MGAT5B: variants seen among roughly 807,000 people sequenced by gnomAD.
MGAT5B encodes the protein N-acetylglucosaminyl-transferase Vb.
Under a neutral mutation model 95.1 loss-of-function variants are expected in MGAT5B, and 54 were observed. The observed-to-expected ratio is 0.57, with a 90% CI of 0.46 to 0.71. The LOEUF (loss-of-function observed/expected upper bound fraction) is 0.71, where lower values mean the gene tolerates loss of function less well. Ranked by LOEUF, MGAT5B falls within the 30% of genes least tolerant of loss-of-function variation. MGAT5B has a pLI of 0.00. For synonymous variants in MGAT5B, 464 were observed against 451.0 expected (o/e 1.03, Z -0.36); for missense variants, 935 against 1,088.6 (o/e 0.86, Z 1.99).
chr17:76,873,296 C>G (rs1387437210), intron 2 of MGAT5B, among the ~76,000 whole-genome samples: 1 of 152,242 alleles, frequency 6.6e-6, no homozygotes, highest in African/African-American at 2.4e-5. Flanking sequence ...CTCCTTGAGG[C>G]ACACATTTCC....
Position 76,948,655 on chromosome 17 carries a change from T to G in MGAT5B, c.2196T>G (p.Cys732Trp). 6.2e-7 allele frequency: 1 copy of G among 1,612,316 alleles called. No homozygotes were observed. Among genetic ancestry groups the G allele is most frequent in the Non-Finnish European group, 8.5e-7 (1 of 1,179,538 alleles). Residue 732 changes from cysteine to tryptophan, a missense_variant, in exon 18 of 18, where the codon TGT becomes TGG. Coordinates refer to ENST00000569840, the MANE Select transcript of MGAT5B (RefSeq NM_001199172.2). ...TCCCTGCCAGGCTGCAGGTGCCCTG[T>G]GACAGCACCGAGTCGGAGATGAACC... ...QDAFLKLQVP[C>W]DSTESEMNHL...
At chr17:76,943,581 A>T (rs547926371) in intron 15 of MGAT5B, among the ~76,000 whole-genome samples, 16 of 148,342 alleles carry the variant, frequency 1.1e-4, no homozygotes, top group East Asian at 4.1e-4. Flanking sequence ...TTATTTTTTT[A>T]AAATTTTCTT....
intron 2 of MGAT5B, among the ~76,000 whole-genome samples, chr17:76,877,506 G>A (rs1967234777): frequency 6.6e-6 from 1 of 152,080 alleles, no homozygotes; most frequent in South Asian, 2.1e-4. Flanking sequence ...CTCTGGCTCT[G>A]GCTCTGGCCC....
intron 12 of MGAT5B, among the ~76,000 whole-genome samples, chr17:76,935,340 A>G (rs1189761207): frequency 2.6e-5 from 4 of 152,366 alleles, no homozygotes; most frequent in Non-Finnish European, 5.9e-5. Context: ...AATTTTTTGT[A>G]GAAACATATG....
chr17:76,888,807 G>A (rs1026314637), intron 3 of MGAT5B, among the ~76,000 whole-genome samples: 1 of 152,194 alleles, frequency 6.6e-6, no homozygotes, highest in African/African-American at 2.4e-5. Flanking sequence ...CCCACTGGAG[G>A]GCCGCGTTGG....
chr17:76,929,571 A>G (rs1319355782), intron 10 of MGAT5B, among the ~76,000 whole-genome samples: 1 of 152,228 alleles, frequency 6.6e-6, no homozygotes, highest in East Asian at 1.9e-4. Flanking sequence ...GGGGCCACTA[A>G]TTGGTTTATC....
chr17:76,880,464 C>T (rs1427095265), intron 2 of MGAT5B, among the ~76,000 whole-genome samples: 1 of 152,178 alleles, frequency 6.6e-6, no homozygotes, highest in African/African-American at 2.4e-5. Context: ...AGAACCAAAG[C>T]AGAGGTGTGA....
In MGAT5B at chr17:76,906,325, C is replaced by T. The variant is rs970225961; in HGVS notation, c.1025+138C>T. ...CGGCCCTGAGACCCTGGGAGACATC[C>T]TGGTGTTCCGCAGGACATCACCACT... is the stretch of plus-strand genomic sequence containing the variant. On this transcript the variant is annotated intron_variant, in intron 8 of 17. Coordinates refer to ENST00000569840, the MANE Select transcript of MGAT5B (RefSeq NM_001199172.2). The surrounding 1 kb of genome is among the most constrained non-coding windows in gnomAD (Gnocchi z 4.6). The T allele has an allele frequency of 7.9e-6, 6 of 762,772 alleles. No individual in the cohort carries two copies. Among genetic ancestry groups the T allele is most frequent in the Non-Finnish European group, 1.2e-5 (6 of 497,508 alleles). 47.3% of individuals were successfully genotyped at this position (762,772 alleles called of 1,614,324 possible).
chr17:76,936,129 C>T (rs567962905), intron 12 of MGAT5B, among the ~76,000 whole-genome samples: 126 of 151,794 alleles, frequency 8.3e-4, no homozygotes, highest in African/African-American at 2.6e-3. Flanking sequence ...GTCTTTCAGC[C>T]GGGAACGGTG....
intron 12 of MGAT5B, among the ~76,000 whole-genome samples, chr17:76,936,245 A>G (rs988981092): frequency 6.6e-6 from 1 of 152,114 alleles, no homozygotes; most frequent in African/African-American, 2.4e-5. Flanking sequence ...CATCTCTACT[A>G]AAAATACAAA....
Position 76,882,270 on chromosome 17 carries a change from G to A in MGAT5B, c.301G>A (p.Gly101Ser), listed in dbSNP as rs1345855130. ...GAACAGCAGTGAGCTGCACCGGGCC[G>A]GCGGCGACCTGCACTTTCCCGCAGA... ...LENSSELHRA[G>S]GDLHFPADRM... The change falls in exon 3 of 18, where the codon GGC becomes AGC. Residue 101 changes from glycine (G) to serine (S), a missense_variant. Around this residue, in one of 4 missense-constraint regions of MGAT5B, gnomAD observed 243 missense variants for 228.2 expected, o/e 1.06. Transcript: ENST00000569840. The A allele has an allele frequency of 5.0e-6, 8 of 1,612,750 alleles. No individual in the cohort carries two copies. Among genetic ancestry groups the A allele is most frequent in the East Asian group, 2.2e-5 (1 of 44,864 alleles).
In MGAT5B at chr17:76,914,679, C is replaced by T. The variant is rs1483834342; in HGVS notation, c.1025+8492C>T. ...TTTTGAGACAGAGTCTTGCCCTGTC[C>T]CCCAGCTGGAGCGCAGTGGCGCAGT... On this transcript the variant is annotated intron_variant, in intron 8 of 17. Coordinates refer to ENST00000569840, the MANE Select transcript of MGAT5B (RefSeq NM_001199172.2). This position sits in a 1 kb window ranked among gnomAD's most constrained non-coding sequence, Gnocchi z 5.1. Among the ~76,000 whole-genome samples, 3 of 150,848 alleles carry T rather than the reference C, an allele frequency of 2.0e-5. No individual in the cohort carries two copies. The South Asian group carries it at 6.3e-4, about 31-fold the overall frequency.
intron 2 of MGAT5B, among the ~76,000 whole-genome samples, chr17:76,875,465 C>G (rs1309450070): frequency 6.6e-6 from 1 of 152,070 alleles, no homozygotes; most frequent in Non-Finnish European, 1.5e-5. Context: ...TTTCCTGAGG[C>G]CTCCCCAGCC....
Position 76,948,860 on chromosome 17 carries a change from T to G in MGAT5B, c.*22T>G. 2 of 1,552,882 alleles carry G rather than the reference T, an allele frequency of 1.3e-6. No individual in the cohort carries two copies. Among genetic ancestry groups the G allele is most frequent in the Non-Finnish European group, 1.7e-6 (2 of 1,150,026 alleles). On this transcript the variant is annotated 3_prime_UTR_variant, in exon 18 of 18. Transcript: ENST00000569840. ...GTGAATCCGCCTCTGCCGCCCTGCC[T>G]GGCACCCACGCTGGCTCTCTCCTGC...
rs556670622 is a variant in MGAT5B, at chr17:76,890,693, G to A, written c.329+8395G>A. 2.6e-5 allele frequency among the ~76,000 whole-genome samples: 4 copies of A among 152,192 alleles called. No individual in the cohort carries two copies. The South Asian group carries it at 8.3e-4, about 32-fold the overall frequency. On this transcript the variant is annotated intron_variant, in intron 3 of 17. Coordinates refer to ENST00000569840, the MANE Select transcript of MGAT5B (RefSeq NM_001199172.2). ...TAATTTTTATATTTTTGTAGAGATA[G>A]GGTTTCACTATGTTGCCCAGGCTGG...
chr17:76,936,048 G>A (rs1228308879), intron 12 of MGAT5B, among the ~76,000 whole-genome samples: 2 of 150,054 alleles, frequency 1.3e-5, no homozygotes, highest in East Asian at 3.9e-4. Flanking sequence ...CGATCCTCCC[G>A]CCTCAGCCTC....
intron 2 of MGAT5B, among the ~76,000 whole-genome samples, chr17:76,878,798 T>C (rs1271688190): frequency 2.0e-5 from 3 of 152,126 alleles, no homozygotes; most frequent in African/African-American, 7.2e-5. Flanking sequence ...TATAGGAGCG[T>C]TTCTTTCTTT....
At chr17:76,927,743 C>T (rs918218497) in intron 10 of MGAT5B, among the ~76,000 whole-genome samples, 2 of 152,238 alleles carry the variant, frequency 1.3e-5, no homozygotes, top group African/African-American at 2.4e-5. Flanking sequence ...TGCGCTCTTC[C>T]ACCTTGTTGG....
intron 8 of MGAT5B, among the ~76,000 whole-genome samples, chr17:76,921,711 G>A (rs2145229699): frequency 6.6e-6 from 1 of 152,294 alleles, no homozygotes; most frequent in South Asian, 2.1e-4. Context: ...CATCCTCGAA[G>A]TCCTGGCTCA....
Sources: allele counts gnomAD v4.1 joint callset (sites outside exome capture counted in the v4.1 genomes callset), GRCh38; gene constraint gnomAD v4.1.1; regional missense constraint gnomAD v4.1.1; non-coding constraint Gnocchi (gnomAD v3.1); transcripts MANE v1.5; gene names NCBI Gene and HGNC (gene_info 2026-07-23, HGNC 2026-07-21).